The following PREX2 variants were observed in gnomAD, a reference collection of about 807,000 sequenced individuals.
PREX2 encodes the protein phosphatidylinositol 3,4,5-trisphosphate-dependent Rac exchanger 2 protein.
In PREX2, 107 loss-of-function variants were observed where a neutral mutation model predicts 203.2. The ratio of observed to expected loss-of-function variants is 0.53; its 90% CI spans 0.45 to 0.62. The LOEUF (loss-of-function observed/expected upper bound fraction) is 0.62. Ranked by LOEUF, PREX2 falls within the 20% of genes least tolerant of loss-of-function variation. The pLI, the probability that PREX2 is intolerant of heterozygous loss-of-function variation, is 0.00. For synonymous variants in PREX2, 672 were observed against 663.6 expected (o/e 1.01, Z -0.19); for missense variants, 1,777 against 1,955.9 (o/e 0.91, Z 1.72).
At chr8:68,228,668 A>C (rs557812164) in intron 39 of PREX2, among the ~76,000 whole-genome samples, 1 of 152,188 alleles carries the variant, frequency 6.6e-6, no homozygotes, top group South Asian at 2.1e-4. Flanking sequence ...CGGGAGGCTG[A>C]GACAGGAGAA....
intron 6 of PREX2, among the ~76,000 whole-genome samples, chr8:68,037,662 T>C (rs1808072507): frequency 6.6e-6 from 1 of 152,200 alleles, no homozygotes; most frequent in Non-Finnish European, 1.5e-5. Flanking sequence ...GGAAAGTTGC[T>C]CCCTTTAAAT....
intron 37 of PREX2, among the ~76,000 whole-genome samples, chr8:68,215,565 C>T (rs575444671): frequency 5.9e-5 from 9 of 151,720 alleles, no homozygotes; most frequent in Middle Eastern, 3.4e-3. Context: ...GAGACAGAGT[C>T]TCGCTGTCGC....
At chr8:68,033,580 A>G (rs1257792166) in intron 6 of PREX2, among the ~76,000 whole-genome samples, 1 of 152,170 alleles carries the variant, frequency 6.6e-6, no homozygotes, top group Non-Finnish European at 1.5e-5. Flanking sequence ...GTCAGACCTG[A>G]GAAGGGTGTC....
chr8:68,173,810 C>T (rs1301180760), intron 35 of PREX2, among the ~76,000 whole-genome samples: 1 of 152,024 alleles, frequency 6.6e-6, no homozygotes, highest in East Asian at 1.9e-4. Flanking sequence ...TGTCTCAAAG[C>T]TAATACAAGC....
rs2280640 is a variant in PREX2, at chr8:68,231,761, G to A, written c.*383G>A. The stretch of plus-strand genomic sequence containing the variant: ...TGCTTGTTTTCATCTTTCCCAAGTG[G>A]ACACATGTAATAATGGAGAGTTCCT... On this transcript the variant is annotated 3_prime_UTR_variant, in exon 40 of 40. Coordinates refer to ENST00000288368, the MANE Select transcript of PREX2 (RefSeq NM_024870.4). 46,739 of 183,512 alleles carry A rather than the reference G, an allele frequency of 0.25. 6,987 individuals carry two copies. The highest frequency in any genetic ancestry group is 0.45 in the South Asian group (2,328 of 5,146). 11.4% of individuals were successfully genotyped at this position (183,512 alleles called of 1,614,324 possible).
intron 20 of PREX2, among the ~76,000 whole-genome samples, chr8:68,090,971 G>A (rs1362305695): frequency 6.6e-6 from 1 of 152,110 alleles, no homozygotes; most frequent in Non-Finnish European, 1.5e-5. Context: ...TTTTCATTGA[G>A]ATACAAGTTC....
chr8:68,188,374 G>A (rs921146915), intron 35 of PREX2, among the ~76,000 whole-genome samples: 2 of 152,016 alleles, frequency 1.3e-5, no homozygotes, highest in Non-Finnish European at 2.9e-5. Context: ...TAATTCCAAA[G>A]CACATGAGGA....
intron 23 of PREX2, 185 bp downstream of exon 23, chr8:68,100,028 C>T (rs1261610469): frequency 1.4e-6 from 1 of 723,862 alleles, no homozygotes; most frequent in Non-Finnish European, 2.5e-6. Context: ...TTGATCTTTG[C>T]AAACTTGTAA....
intron 7 of PREX2, among the ~76,000 whole-genome samples, chr8:68,041,157 G>C (rs976086658): frequency 6.6e-6 from 1 of 152,100 alleles, no homozygotes. Flanking sequence ...TAAAGGTAAA[G>C]CAGTAGTTGA....
chr8:67,954,526 C>G (rs1805438954), intron 1 of PREX2, among the ~76,000 whole-genome samples: 1 of 152,142 alleles, frequency 6.6e-6, no homozygotes, highest in Admixed American at 6.5e-5. Flanking sequence ...TCTATGCAAA[C>G]CCTTTGGCCT....
At chr8:68,070,931 G>T (rs1699764111) in intron 13 of PREX2, among the ~76,000 whole-genome samples, 1 of 152,030 alleles carries the variant, frequency 6.6e-6, no homozygotes, top group Non-Finnish European at 1.5e-5. Context: ...GGAAAAAGAT[G>T]AAAAAGAATA....
At position 67,976,631 on chromosome 8, in the gene PREX2, G is replaced by C. The variant is rs547629582; in HGVS notation, c.141+24096G>C. ...AGAGAGACAGAGACAGAGAGAGAGA[G>C]ACGGGAGAGAGACAGAGAGAGAGAG... is the stretch of plus-strand genomic sequence containing the variant. On this transcript the variant is annotated intron_variant, in intron 1 of 39. Transcript: ENST00000288368. Among the ~76,000 whole-genome samples the C allele has an allele frequency of 9.1e-4, 77 of 84,780 alleles. 4 individuals are homozygous for C. The highest frequency in any genetic ancestry group is 1.4e-3 in the Non-Finnish European group (56 of 40,500). The allele number at this position is 84,780 out of a possible 152,430, so 55.6% of individuals were successfully genotyped here.
chr8:68,080,920 TTAAAGA>T (rs1809499912), intron 17 of PREX2, 82 bp downstream of exon 17: 1 of 813,318 alleles, frequency 1.2e-6, no homozygotes. Flanking sequence ...AAATCTGCCT[TTAAAGA>T]TAATCAGCCT....
At position 68,069,165 on chromosome 8, in the gene PREX2, T is replaced by C. The variant is rs368280806; in HGVS notation, c.1443+29T>C. The C allele has an allele frequency of 6.1e-6, 6 of 982,788 alleles. No homozygotes were observed. In the African/African-American group the frequency reaches 6.7e-5, roughly 11 times the overall value. The allele number at this position is 982,788 out of a possible 1,614,324, so 60.9% of individuals were successfully genotyped here. On this transcript the variant is annotated intron_variant, in intron 12 of 39. Transcript: ENST00000288368. The stretch of plus-strand genomic sequence containing the variant: ...ACGACCTCTCCCACAACCTCTCCAA[T>C]AGTAGAATGCATGTTGTCATTCTTC...
In PREX2 at chr8:68,155,397, C is replaced by T. The variant is rs577701556; in HGVS notation, c.4232-1925C>T. Reference sequence around the variant, plus strand: ...AAGTATAAACTGGTTTTTTAAATTTCCATTTAAAAAAAATCTGCAAATTTG... The same window carrying T: ...AAGTATAAACTGGTTTTTTAAATTTTCATTTAAAAAAAATCTGCAAATTTG... On this transcript the variant is annotated intron_variant, in intron 34 of 39. Coordinates refer to ENST00000288368, the MANE Select transcript of PREX2 (RefSeq NM_024870.4). Among the ~76,000 whole-genome samples the T allele has an allele frequency of 3.7e-3, 570 of 152,042 alleles. 4 individuals carry two copies. Among genetic ancestry groups the T allele is most frequent in the Non-Finnish European group, 6.0e-3 (408 of 67,970 alleles).
chr8:68,032,073 C>A (rs73265959), intron 6 of PREX2, among the ~76,000 whole-genome samples: 11,395 of 152,084 alleles, frequency 0.075, 1,322 homozygotes, highest in African/African-American at 0.25. Context: ...ACAGTATACA[C>A]CAGTTACTCA....
chr8:68,137,121 G>T (rs914176153), intron 32 of PREX2, among the ~76,000 whole-genome samples: 12 of 152,136 alleles, frequency 7.9e-5, no homozygotes, highest in Admixed American at 6.5e-4. Flanking sequence ...TGTCAGGCTG[G>T]TCTTGAACTC....
At chr8:68,144,477 C>T (rs1333978343) in intron 33 of PREX2, among the ~76,000 whole-genome samples, 1 of 152,042 alleles carries the variant, frequency 6.6e-6, no homozygotes, top group Non-Finnish European at 1.5e-5. Context: ...TTGTTAATTT[C>T]AAATTCCACT....
intron 24 of PREX2, among the ~76,000 whole-genome samples, chr8:68,109,185 T>C (rs1810481979): frequency 6.6e-6 from 1 of 151,982 alleles, no homozygotes; most frequent in Non-Finnish European, 1.5e-5. Context: ...CCTAAGAGAG[T>C]GGGTATAAAG....
Sources: gnomAD v4.1 joint callset for allele counts (sites outside exome capture counted in the v4.1 genomes callset) on GRCh38, gnomAD v4.1.1 for gene constraint, MANE v1.5 for transcripts, NCBI Gene and HGNC (gene_info 2026-07-23, HGNC 2026-07-21) for gene names.